Variants in GPM6A observed in about 807,000 individuals in gnomAD.
GPM6A encodes the protein glycoprotein M6A.
GPM6A carries 7 observed loss-of-function variants against 32.1 expected under a neutral mutation model. The ratio of observed to expected loss-of-function variants is 0.22; its 90% confidence interval spans 0.12 to 0.41. GPM6A has a LOEUF of 0.41. Among genes scored for constraint, GPM6A ranks in the 10% least tolerant of loss-of-function variants. GPM6A has a pLI of 1.00. For synonymous variants in GPM6A, 130 were observed against 123.4 expected, an observed-to-expected ratio of 1.05 and a Z score of -0.35; for missense variants, 235 against 347.2, an observed-to-expected ratio of 0.68 and a Z score of 2.57.
At chr4:175,949,877 A>G (rs1445765015) in intron 1 of GPM6A, among the ~76,000 whole-genome samples, 1 of 152,362 alleles carries the variant, frequency 6.6e-6, no homozygotes, top group East Asian at 1.9e-4. Context: ...ATGACAATTC[A>G]TGAAACCAAA....
At chr4:175,729,098 A>G (rs759813495) in intron 1 of GPM6A, among the ~76,000 whole-genome samples, 2 of 152,026 alleles carry the variant, frequency 1.3e-5, no homozygotes, top group Admixed American at 6.6e-5. Context: ...TTAATTTCCT[A>G]CTCCCCTACT....
chr4:175,640,607 C>T (rs1741086031), intron 5 of GPM6A, 146 bp downstream of exon 5: 1 of 653,344 alleles, frequency 1.5e-6, no homozygotes. Flanking sequence ...ATCCTCTACT[C>T]CTCCTGAATA....
At chr4:175,732,212 G>A (rs934888511) in intron 1 of GPM6A, among the ~76,000 whole-genome samples, 2 of 151,818 alleles carry the variant, frequency 1.3e-5, no homozygotes, top group African/African-American at 2.4e-5. Flanking sequence ...TGATCCGCCC[G>A]CCTCGGCCTC....
At chr4:175,945,317 T>G (rs1739554838) in intron 1 of GPM6A, among the ~76,000 whole-genome samples, 1 of 152,190 alleles carries the variant, frequency 6.6e-6, no homozygotes, top group Non-Finnish European at 1.5e-5. Flanking sequence ...CATCATGTTC[T>G]TGTTTAGTAC....
At chr4:175,684,277 T>G (rs943390809) in intron 2 of GPM6A, among the ~76,000 whole-genome samples, 2 of 152,212 alleles carry the variant, frequency 1.3e-5, no homozygotes, top group African/African-American at 4.8e-5. Context: ...CATTTTACTA[T>G]GCAACTTTAA....
intron 1 of GPM6A, among the ~76,000 whole-genome samples, chr4:175,996,816 T>C (rs1579696996): frequency 6.6e-6 from 1 of 152,296 alleles, no homozygotes; most frequent in African/African-American, 2.4e-5. Context: ...ACAGCTCTTT[T>C]AGGAATTAGA....
At chr4:175,991,228 GCTA>G (rs1741130881) in intron 1 of GPM6A, among the ~76,000 whole-genome samples, 1 of 123,914 alleles carries the variant, frequency 8.1e-6, no homozygotes, top group African/African-American at 3.4e-5. Context: ...ACCACTCCCA[GCTA>G]TTTTTTTTTT....
intron 1 of GPM6A, among the ~76,000 whole-genome samples, chr4:175,785,442 T>C (rs2111261913): frequency 1.3e-5 from 2 of 152,304 alleles, no homozygotes; most frequent in Middle Eastern, 3.4e-3. Context: ...ACTAACTTTG[T>C]GGTATTTTGT....
rs187234272 is a variant in GPM6A, at chr4:175,649,210, A to T, written c.541+2624T>A. Reference sequence around the variant, plus strand: ...AGACAGCTGGACTGGTGACAAATGAAGTCCATTTATAAAATTCTATGGCTC... The same window carrying T: ...AGACAGCTGGACTGGTGACAAATGATGTCCATTTATAAAATTCTATGGCTC... On this transcript the variant is annotated intron_variant, in intron 4 of 6. Coordinates refer to ENST00000393658, the MANE Select transcript of GPM6A (RefSeq NM_201591.3). Among the ~76,000 whole-genome samples the T allele has an allele frequency of 8.5e-5, 13 of 152,312 alleles. No individual in the cohort carries two copies. The East Asian group carries it at 2.5e-3, about 29-fold the overall frequency.
chr4:175,660,128 G>T lies in GPM6A; in HGVS notation c.388-8141C>A, dbSNP rs770317612. 5.9e-5 allele frequency among the ~76,000 whole-genome samples: 9 copies of T among 152,188 alleles called. 1 individual carries two copies. Among genetic ancestry groups the T allele is most frequent in the African/African-American group, 2.2e-4 (9 of 41,536 alleles). ...AAAAAAAAGTATATAGGCTGGGTGC[G>T]ATGGTTCACACCTGTAATCCCAGCA... On this transcript the variant is annotated intron_variant, in intron 3 of 6. Coordinates refer to ENST00000393658, the MANE Select transcript of GPM6A (RefSeq NM_201591.3).
chr4:175,962,826 C>A (rs569538739), intron 1 of GPM6A, among the ~76,000 whole-genome samples: 1 of 152,164 alleles, frequency 6.6e-6, no homozygotes, highest in African/African-American at 2.4e-5. Flanking sequence ...AGAGACAGGG[C>A]AAGCATCAGA....
intron 5 of GPM6A, 108 bp from the exon 6 acceptor site, chr4:175,640,302 C>T (rs764346743): frequency 1.8e-5 from 15 of 835,898 alleles, no homozygotes; most frequent in East Asian, 2.6e-5. Flanking sequence ...TAAATAAAAG[C>T]GAGCCTGTGA....
intron 1 of GPM6A, among the ~76,000 whole-genome samples, chr4:175,926,838 A>C (rs1738855274): frequency 2.6e-5 from 4 of 152,174 alleles, no homozygotes; most frequent in Admixed American, 2.6e-4. Context: ...ATAACTATAT[A>C]ATAAAATAAA....
upstream of GPM6A, among the ~76,000 whole-genome samples, chr4:175,815,718 C>CTTTTTTT (rs60711329): frequency 5.5e-4 from 70 of 126,994 alleles, 1 homozygote; most frequent in Non-Finnish European, 7.5e-4. Context: ...TTTTTCTTTT[C>CTTTTTTT]TTTTTTTTTT....
At position 175,729,885 on chromosome 4, in the gene GPM6A, A is replaced by G. The variant is rs1579435485; in HGVS notation, c.38-28118T>C. The stretch of plus-strand genomic sequence containing the variant: ...ATTTAATGTATTTAATAATTATATT[A>G]TATATTAATATATGTATTCAAATAA... On this transcript the variant is annotated intron_variant, in intron 1 of 6. Coordinates refer to ENST00000393658, the MANE Select transcript of GPM6A (RefSeq NM_201591.3). 1.6e-5 allele frequency among the ~76,000 whole-genome samples: 2 copies of G among 122,644 alleles called. 1 individual carries two copies. The highest frequency in any genetic ancestry group is 4.8e-4 in the South Asian group (2 of 4,202). The allele number at this position is 122,644 out of a possible 152,430, so 80.5% of individuals were successfully genotyped here.
chr4:175,993,093 TTG>T (rs1741199748), intron 1 of GPM6A, among the ~76,000 whole-genome samples: 1 of 151,972 alleles, frequency 6.6e-6, no homozygotes, highest in African/African-American at 2.4e-5. Context: ...TTGCTTGACC[TTG>T]GACCCGTCCA....
At chr4:175,887,308 A>T (rs978561201) in intron 1 of GPM6A, among the ~76,000 whole-genome samples, 5 of 152,010 alleles carry the variant, frequency 3.3e-5, no homozygotes, top group Admixed American at 6.5e-5. Flanking sequence ...TTAAGTTAAA[A>T]ACTTCTAAAT....
At position 175,984,453 on chromosome 4, in the gene GPM6A, G is replaced by T. The variant is rs532112236; in HGVS notation, c.-23+17856C>A. On this transcript the variant is annotated intron_variant, in intron 1 of 7. Transcript: ENST00000280187. ...GCTGGGATAACAGGCATGAGCCACC[G>T]CGCCCAGCCCTCTCCTGTTCTTTTA... Among the ~76,000 whole-genome samples the T allele has an allele frequency of 5.3e-5, 8 of 152,132 alleles. No homozygotes were observed. In the East Asian group the frequency reaches 1.4e-3, roughly 26 times the overall value.
chr4:175,789,284 C>A (rs1415700904), intron 1 of GPM6A, among the ~76,000 whole-genome samples: 2 of 151,982 alleles, frequency 1.3e-5, no homozygotes, highest in African/African-American at 2.4e-5. Context: ...TAGTTGATAT[C>A]CATATTCAGC....
Sources: allele counts gnomAD v4.1 joint callset (sites outside exome capture counted in the v4.1 genomes callset), GRCh38; gene constraint gnomAD v4.1.1; transcripts MANE v1.5; gene names NCBI Gene and HGNC (gene_info 2026-07-23, HGNC 2026-07-21).